The following DNAJB12 variants were observed in gnomAD, a reference collection of about 807,000 sequenced individuals.
The protein encoded by DNAJB12 is DnaJ heat shock protein family (Hsp40) member B12.
In DNAJB12, 14 loss-of-function variants were observed where a neutral mutation model predicts 40.6. The ratio of observed to expected loss-of-function variants is 0.34; its 90% CI spans 0.23 to 0.54. DNAJB12 has a LOEUF of 0.54. DNAJB12 is among the 20% of genes least tolerant of loss of function. The pLI is 0.92. For synonymous variants in DNAJB12, 181 were observed against 199.5 expected (o/e 0.91, Z 0.78); for missense variants, 444 against 501.7 (o/e 0.89, Z 1.10).
Position 72,345,027 on chromosome 10 carries a change from A to G in DNAJB12, c.234T>C (p.Asp78=), listed in dbSNP as rs143128309. The G allele has an allele frequency of 1.1e-4, 175 of 1,614,212 alleles. 2 individuals carry two copies. In the East Asian group the frequency reaches 3.7e-3, roughly 35 times the overall value. ...HATHRKAGGT[D]APSANGEAGG... ...CAGCTTCACCGTTGGCCGAGGGGGC[A>G]TCGGTCCCACCTGCTTTCCTGTGGG... Residue 78 remains aspartate, a synonymous_variant, in exon 2 of 9, where the codon GAT becomes GAC. Coordinates refer to ENST00000444643, the MANE Select transcript of DNAJB12 (RefSeq NM_017626.7).
At chr10:72,343,837 C>T (rs1378361217) in intron 2 of DNAJB12, among the ~76,000 whole-genome samples, 1 of 151,814 alleles carries the variant, frequency 6.6e-6, no homozygotes, top group Admixed American at 6.6e-5. Flanking sequence ...TGTCCATCAC[C>T]CAGGGTGGTG....
At chr10:72,334,990 G>A in intron 8 of DNAJB12, 1 of 1,096,084 alleles carries the variant, frequency 9.1e-7, no homozygotes, top group Admixed American at 5.0e-5. Flanking sequence ...GAAGGAGGGA[G>A]CCTGCTACCA....
chr10:72,336,805 G>A, intron 6 of DNAJB12, 109 bp from the exon 7 acceptor site: 1 of 918,038 alleles, frequency 1.1e-6, no homozygotes, highest in South Asian at 1.6e-5. Flanking sequence ...GGAGTAGTTG[G>A]TTCCCTCTCA....
intron 5 of DNAJB12, among the ~76,000 whole-genome samples, chr10:72,338,792 C>T (rs943145913): frequency 6.6e-6 from 1 of 151,744 alleles, no homozygotes; most frequent in Non-Finnish European, 1.5e-5. Context: ...AACATACACC[C>T]CCATCTCTAC....
At chr10:72,347,602 C>G (rs369716653) in intron 1 of DNAJB12, among the ~76,000 whole-genome samples, 1 of 152,238 alleles carries the variant, frequency 6.6e-6, no homozygotes. Context: ...CTATCACCCT[C>G]GGCAGCATCA....
rs375047707 is a variant in DNAJB12, at chr10:72,346,853, AT to A, written c.134-1727del. Among the ~76,000 whole-genome samples the A allele has an allele frequency of 5.1e-3, 780 of 151,794 alleles. 6 individuals carry two copies. Among genetic ancestry groups the A allele is most frequent in the African/African-American group, 0.017 (709 of 41,352 alleles). On this transcript the variant is annotated intron_variant, in intron 1 of 8. Transcript: ENST00000444643. Reference sequence around the variant, plus strand: ...TTTTATGAATCCAACTTATGAATCCATTTTTTTCTACTGAACTCATTCAAAT... The same window carrying A: ...TTTTATGAATCCAACTTATGAATCCATTTTTTCTACTGAACTCATTCAAAT...
Position 72,354,853 on chromosome 10 carries a change from G to A in DNAJB12, c.45C>T (p.Ala15=). The A allele has an allele frequency of 1.9e-6, 3 of 1,614,136 alleles. No individual in the cohort carries two copies. The African/African-American group carries it at 4.0e-5, about 22-fold the overall frequency. ...GCTGGTTGCTCTGGATGGCCTTGAG[G>A]GCGATGCTGATACAGCGCTCAGCTT... is the stretch of plus-strand genomic sequence containing the variant. ...KDEAERCISI[A]LKAIQSNQPD... is the part of the protein sequence containing the mutation. The change falls in exon 1 of 9, where the codon GCC becomes GCT. Residue 15 remains alanine, a synonymous_variant. Coordinates refer to ENST00000444643, the MANE Select transcript of DNAJB12 (RefSeq NM_017626.7).
rs190682058 is a variant in DNAJB12, at chr10:72,340,565, C to T, written c.723+224G>A. ...CACTCCCCAGCCAGGCCAGCAAAGCCGCGCTCCCGCCGGCAATGTGGAGCA... is the reference window on the plus strand; with the variant it reads ...CACTCCCCAGCCAGGCCAGCAAAGCTGCGCTCCCGCCGGCAATGTGGAGCA... On this transcript the variant is annotated intron_variant, in intron 5 of 8. Transcript: ENST00000444643. 1.5e-3 allele frequency among the ~76,000 whole-genome samples: 231 copies of T among 152,292 alleles called. 1 individual carries two copies. The highest frequency in any genetic ancestry group is 0.014 in the Middle Eastern group (4 of 294).
At chr10:72,339,052 G>C (rs1418010895) in intron 5 of DNAJB12, among the ~76,000 whole-genome samples, 1 of 151,978 alleles carries the variant, frequency 6.6e-6, no homozygotes, top group East Asian at 1.9e-4. Context: ...TTGAGCCCAA[G>C]AGTTTGAGAC....
rs1405953630 is a variant in DNAJB12, at chr10:72,333,458, C to T, written c.*1190G>A. 6.6e-6 allele frequency: 1 copy of T among 152,590 alleles called. No individual in the cohort carries two copies. Among genetic ancestry groups the T allele is most frequent in the Non-Finnish European group, 1.5e-5 (1 of 68,058 alleles). 9.5% of individuals were successfully genotyped at this position (152,590 alleles called of 1,614,324 possible). The stretch of plus-strand genomic sequence containing the variant: ...AGAGGAGGCCTGGCGGTCACATCAA[C>T]AGCGAGTGAAGACAGAGGCAGCCAC... On this transcript the variant is annotated 3_prime_UTR_variant, in exon 9 of 9. Transcript: ENST00000444643.
chr10:72,350,398 CAAAAAAAA>C (rs35316232), intron 1 of DNAJB12, among the ~76,000 whole-genome samples: 2 of 27,820 alleles, frequency 7.2e-5, no homozygotes, highest in South Asian at 3.1e-3. Flanking sequence ...GACCCTGTCT[CAAAAAAAA>C]AAAAAAAAAA....
At chr10:72,339,901 G>A (rs1385459120) in intron 5 of DNAJB12, among the ~76,000 whole-genome samples, 2 of 151,846 alleles carry the variant, frequency 1.3e-5, no homozygotes, top group African/African-American at 4.8e-5. Flanking sequence ...AGTAGAGACG[G>A]GGTTTCACCA....
chr10:72,345,202 C>T (rs1747059085), intron 1 of DNAJB12, 75 bp from the exon 2 acceptor site: 1 of 1,525,966 alleles, frequency 6.6e-7, no homozygotes, highest in South Asian at 1.3e-5. Context: ...CCCGCTGCTT[C>T]CCACTCACTT....
intron 8 of DNAJB12, 174 bp from the exon 9 acceptor site, chr10:72,334,791 A>G (rs528699768): frequency 5.0e-6 from 7 of 1,386,966 alleles, no homozygotes; most frequent in East Asian, 2.9e-5. Flanking sequence ...GGCAGGCACA[A>G]ATGGCCTCCA....
At chr10:72,354,720 C>G (rs758947136) in intron 1 of DNAJB12, 45 bp downstream of exon 1, 4 of 1,532,300 alleles carry the variant, frequency 2.6e-6, no homozygotes, top group African/African-American at 1.4e-5. Flanking sequence ...CGTGTTCCCC[C>G]CATCAGTTCT....
intron 1 of DNAJB12, among the ~76,000 whole-genome samples, chr10:72,351,925 C>CA (rs1476263138): frequency 6.6e-6 from 1 of 152,236 alleles, no homozygotes; most frequent in Admixed American, 6.5e-5. Flanking sequence ...TTCCTGGTCA[C>CA]AGGGGCTTCA....
At chr10:72,354,725 A>G (rs368707695) in intron 1 of DNAJB12, 40 bp downstream of exon 1, 9 of 1,519,792 alleles carry the variant, frequency 5.9e-6, no homozygotes, top group African/African-American at 5.5e-5. Flanking sequence ...TCCCCCCATC[A>G]GTTCTAATGT....
At chr10:72,343,785 G>A (rs1347554054) in intron 2 of DNAJB12, among the ~76,000 whole-genome samples, 2 of 152,060 alleles carry the variant, frequency 1.3e-5, no homozygotes, top group Admixed American at 1.3e-4. Flanking sequence ...CGCCAGGCCA[G>A]TATCTATCTT....
Position 72,333,309 on chromosome 10 carries a change from T to C in DNAJB12, c.*1339A>G, listed in dbSNP as rs1861368043. The stretch of plus-strand genomic sequence containing the variant: ...TCATTCCAGAAGGCCCAGGAGAAAC[T>C]GTGGGAATAAATAAAACCTCCCTCC... On this transcript the variant is annotated 3_prime_UTR_variant, in exon 9 of 9. Coordinates refer to ENST00000444643, the MANE Select transcript of DNAJB12 (RefSeq NM_017626.7). 1 of 152,140 alleles carries C rather than the reference T, an allele frequency of 6.6e-6. No homozygotes were observed. Among genetic ancestry groups the C allele is most frequent in the South Asian group, 2.1e-4 (1 of 4,830 alleles). The allele number at this position is 152,140 out of a possible 1,614,324, so 9.4% of individuals were successfully genotyped here.
Sources: gnomAD v4.1 joint callset for allele counts (sites outside exome capture counted in the v4.1 genomes callset) on GRCh38, gnomAD v4.1.1 for gene constraint, MANE v1.5 for transcripts, NCBI Gene and HGNC (gene_info 2026-07-23, HGNC 2026-07-21) for gene names.